KCNK2: variants seen among roughly 807,000 people sequenced by gnomAD.
KCNK2 encodes the protein potassium channel subfamily K member 2.
Under a neutral mutation model 40.5 loss-of-function variants are expected in KCNK2, and 21 were observed. The observed-to-expected ratio is 0.52, with a 90% CI of 0.37 to 0.75. The LOEUF is 0.75. Among genes scored for constraint, KCNK2 ranks in the 30% least tolerant of loss-of-function variants. The pLI is 0.00. For missense variants in KCNK2, 399 were observed against 531.6 expected (o/e 0.75, Z 2.45); for synonymous variants, 191 against 202.2 (o/e 0.94, Z 0.47).
intron 2 of KCNK2, among the ~76,000 whole-genome samples, chr1:215,105,214 C>G (rs1402147704): frequency 6.6e-6 from 1 of 152,136 alleles, no homozygotes; most frequent in Non-Finnish European, 1.5e-5. Context: ...CCTATACCCA[C>G]TGAACAGCAA....
chr1:215,203,857 T>C (rs1013474685), intron 6 of KCNK2, among the ~76,000 whole-genome samples: 1 of 151,736 alleles, frequency 6.6e-6, no homozygotes, highest in Non-Finnish European at 1.5e-5. Flanking sequence ...GCAAACACCA[T>C]GAAACCCCGT....
chr1:215,178,393 T>A (rs1403654696), intron 5 of KCNK2, among the ~76,000 whole-genome samples: 1 of 152,262 alleles, frequency 6.6e-6, no homozygotes, highest in Admixed American at 6.5e-5. Flanking sequence ...CCCAGTAGTA[T>A]GTTGAATAGG....
chr1:215,112,707 G>A (rs1211587817), intron 2 of KCNK2, among the ~76,000 whole-genome samples: 1 of 152,004 alleles, frequency 6.6e-6, no homozygotes, highest in East Asian at 1.9e-4. Context: ...TCTATCATAT[G>A]TTTCCATATG....
At chr1:215,124,097 G>T (rs1414259327) in intron 2 of KCNK2, among the ~76,000 whole-genome samples, 1 of 152,162 alleles carries the variant, frequency 6.6e-6, no homozygotes, top group Non-Finnish European at 1.5e-5. Context: ...AAGCTTGAAA[G>T]TGAAGTCCTG....
Position 215,083,201 on chromosome 1 carries a change from C to CCCCCCCCCCCCCCCCCCT in KCNK2, c.-183_-182insCCCCCCCCCCCCCCCTCC. The CCCCCCCCCCCCCCCCCCT allele has an allele frequency of 2.7e-6, 2 of 753,664 alleles. No individual in the cohort carries two copies. Among genetic ancestry groups the CCCCCCCCCCCCCCCCCCT allele is most frequent in the Non-Finnish European group, 4.2e-6 (2 of 479,540 alleles). The allele number at this position is 753,664 out of a possible 1,614,324, so 46.7% of individuals were successfully genotyped here. On this transcript the variant is annotated 5_prime_UTR_variant, in exon 1 of 7. Coordinates refer to ENST00000444842, the MANE Select transcript of KCNK2 (RefSeq NM_001017425.3). ...TTTCGTTTCTTCTCACGCTCCCCCC[C>CCCCCCCCCCCCCCCCCCT]CCGCCCCCTCCCGCGTCCAGCCCCG...
intron 3 of KCNK2, among the ~76,000 whole-genome samples, chr1:215,158,268 G>A (rs746701723): frequency 6.6e-6 from 1 of 152,166 alleles, no homozygotes; most frequent in East Asian, 1.9e-4. Flanking sequence ...CCATTTTGTG[G>A]TCAGTGAAAG....
intron 2 of KCNK2, among the ~76,000 whole-genome samples, chr1:215,090,264 C>T (rs1250588919): frequency 6.6e-6 from 1 of 152,112 alleles, no homozygotes; most frequent in African/African-American, 2.4e-5. Flanking sequence ...TAGGTAGGTG[C>T]CTTATTATCT....
intron 6 of KCNK2, among the ~76,000 whole-genome samples, chr1:215,202,099 T>A (rs1362877126): frequency 6.6e-6 from 1 of 152,196 alleles, no homozygotes; most frequent in Admixed American, 6.5e-5. Flanking sequence ...TATTATTCAT[T>A]GACTGTAAAA....
At position 215,051,207 on chromosome 1, in the gene KCNK2, C is replaced by T. The variant is rs372034860; in HGVS notation, c.35-35161C>T. On this transcript the variant is annotated intron_variant, in intron 1 of 6. Transcript: ENST00000391895. The stretch of plus-strand genomic sequence containing the variant: ...CCTCCTCCTTCAGCCTCCTGAGTAG[C>T]TGGGATTACAGATGTGCACCACCAT... 9.4e-4 allele frequency among the ~76,000 whole-genome samples: 143 copies of T among 152,244 alleles called. 5 individuals carry two copies. The South Asian group carries it at 0.029, about 31-fold the overall frequency.
At chr1:215,135,205 A>G (rs961528539) in intron 3 of KCNK2, among the ~76,000 whole-genome samples, 3 of 152,118 alleles carry the variant, frequency 2.0e-5, no homozygotes, top group Non-Finnish European at 2.9e-5. Flanking sequence ...AGTACAAGGA[A>G]CATCAGATTT....
At chr1:215,199,985 A>G (rs1665017080) in intron 6 of KCNK2, among the ~76,000 whole-genome samples, 1 of 152,188 alleles carries the variant, frequency 6.6e-6, no homozygotes, top group Non-Finnish European at 1.5e-5. Flanking sequence ...CATATGAGAT[A>G]AACACCACTG....
intron 6 of KCNK2, among the ~76,000 whole-genome samples, chr1:215,196,907 T>C (rs369415780): frequency 6.6e-6 from 1 of 152,186 alleles, no homozygotes; most frequent in African/African-American, 2.4e-5. Context: ...CACACAAGCA[T>C]GTATTTCTTA....
At chr1:215,166,657 C>T (rs1241887757) in intron 3 of KCNK2, among the ~76,000 whole-genome samples, 3 of 152,122 alleles carry the variant, frequency 2.0e-5, no homozygotes, top group Non-Finnish European at 4.4e-5. Context: ...GTCCAGACTC[C>T]AGTCTCCCCT....
intron 1 of KCNK2, among the ~76,000 whole-genome samples, chr1:215,008,575 C>G (rs116801445): frequency 0.012 from 1,773 of 152,214 alleles, 38 homozygotes; most frequent in African/African-American, 0.04. Flanking sequence ...TTCTTCCCTC[C>G]TGTACTTTTT....
intron 1 of KCNK2, among the ~76,000 whole-genome samples, chr1:215,056,137 C>T (rs1278295826): frequency 2.0e-5 from 3 of 151,834 alleles, no homozygotes; most frequent in East Asian, 3.9e-4. Context: ...GGAGAAACCC[C>T]GTCTCTACTA....
chr1:215,147,345 A>G (rs1177382507), intron 3 of KCNK2, among the ~76,000 whole-genome samples: 2 of 152,188 alleles, frequency 1.3e-5, no homozygotes, highest in African/African-American at 2.4e-5. Flanking sequence ...TGATTTTGCT[A>G]TGGATCCTTA....
intron 2 of KCNK2, among the ~76,000 whole-genome samples, chr1:215,105,448 A>C (rs968114455): frequency 1.8e-4 from 28 of 152,062 alleles, no homozygotes; most frequent in African/African-American, 5.8e-4. Context: ...TTGTATGTCT[A>C]TACCCCATTT....
At chr1:215,153,883 T>C (rs1251106286) in intron 3 of KCNK2, among the ~76,000 whole-genome samples, 1 of 152,190 alleles carries the variant, frequency 6.6e-6, no homozygotes, top group African/African-American at 2.4e-5. Context: ...CTGAGAATGA[T>C]GGCTTTCAGC....
At chr1:215,081,165 ATGTGTG>A (rs34229936), upstream of KCNK2, among the ~76,000 whole-genome samples, 12,457 of 148,290 alleles carry the variant, frequency 0.084, 507 homozygotes, top group Middle Eastern at 0.13. Flanking sequence ...GTACACGCAA[ATGTGTG>A]TGTGTGTGTG....
Sources: gnomAD v4.1 joint callset for allele counts (sites outside exome capture counted in the v4.1 genomes callset) on GRCh38, gnomAD v4.1.1 for gene constraint, MANE v1.5 for transcripts, NCBI Gene and HGNC (gene_info 2026-07-23, HGNC 2026-07-21) for gene names.